ZZEF1: variants seen among roughly 807,000 people sequenced by gnomAD.
The protein encoded by ZZEF1 is zinc finger ZZ-type and EF-hand domain-containing protein 1.
ZZEF1 carries 157 observed loss-of-function variants against 342.8 expected under a neutral mutation model. That is an observed-to-expected ratio of 0.46 (90% CI 0.40 to 0.52). ZZEF1 has a LOEUF of 0.52. Ranked by LOEUF, ZZEF1 falls within the 20% of genes least tolerant of loss-of-function variation. The pLI, the probability that ZZEF1 is intolerant of heterozygous loss-of-function variation, is 0.00. For synonymous variants in ZZEF1, 1,505 were observed against 1,429.1 expected, an observed-to-expected ratio of 1.05 and a Z score of -1.20; for missense variants, 3,480 against 3,725.6, an observed-to-expected ratio of 0.93 and a Z score of 1.72.
chr17:4,013,771 TAAGGCTTTTGTAAAAATAACACAGGGGTC>T (rs2056029587), intron 51 of ZZEF1, among the ~76,000 whole-genome samples, 157 bp from the exon 52 acceptor site: 2 of 152,248 alleles, frequency 1.3e-5, no homozygotes, highest in African/African-American at 4.8e-5. Context: ...TGGCTGAAAT[TAAGGCTTTTGTAAAAATAACACAGGGGTC>T]ATATTTCCAG....
chr17:4,076,137 C>CTTTTTTTTCTTTT (rs1555599392), intron 21 of ZZEF1: 3 of 122,180 alleles, frequency 2.5e-5, no homozygotes, highest in Non-Finnish European at 3.4e-5. Flanking sequence ...CGTCTCCTTT[C>CTTTTTTTTCTTTT]TTTTTTTTTT....
chr17:4,053,925 CAAGAAGTCAGAG>C, intron 34 of ZZEF1, 120 bp downstream of exon 34: 1 of 1,034,234 alleles, frequency 9.7e-7, no homozygotes, highest in African/African-American at 1.6e-5. Flanking sequence ...TCATGTTCGC[CAAGAAGTCAGAG>C]AAAATACCAC....
intron 11 of ZZEF1, among the ~76,000 whole-genome samples, chr17:4,091,423 G>A (rs1052480913): frequency 1.3e-5 from 2 of 152,228 alleles, no homozygotes; most frequent in South Asian, 2.1e-4. Context: ...TTCTTTTTAA[G>A]AGAATGTATG....
At chr17:4,042,205 G>GAA (rs201493267) in intron 39 of ZZEF1, among the ~76,000 whole-genome samples, 1 of 151,688 alleles carries the variant, frequency 6.6e-6, no homozygotes, top group Non-Finnish European at 1.5e-5. Flanking sequence ...TAAAAAGGTA[G>GAA]AAAAAAATCA....
chr17:4,012,662 C>T (rs897260896), intron 52 of ZZEF1, among the ~76,000 whole-genome samples: 7 of 152,094 alleles, frequency 4.6e-5, no homozygotes, highest in Admixed American at 2.0e-4. Flanking sequence ...CTCCCTATAG[C>T]GCAAAAGGCA....
At chr17:4,022,659 C>A in intron 44 of ZZEF1, 50 bp downstream of exon 44, 1 of 1,611,366 alleles carries the variant, frequency 6.2e-7, no homozygotes, top group African/African-American at 1.3e-5. Context: ...ACTCCTAGGC[C>A]AGCACATCTG....
chr17:4,082,411 AC>A, intron 17 of ZZEF1, 25 bp downstream of exon 17: 1 of 1,611,954 alleles, frequency 6.2e-7, no homozygotes, highest in Non-Finnish European at 8.5e-7. Context: ...GAGTTATCCG[AC>A]AATTAAAAAG....
At chr17:4,048,833 G>A (rs2056982669) in intron 37 of ZZEF1, among the ~76,000 whole-genome samples, 1 of 151,448 alleles carries the variant, frequency 6.6e-6, no homozygotes, top group South Asian at 2.1e-4. Flanking sequence ...CCTGCCTCTC[G>A]AGTAGCTGGG....
chr17:4,074,947 TG>T, intron 23 of ZZEF1, 149 bp downstream of exon 23: 1 of 818,254 alleles, frequency 1.2e-6, no homozygotes, highest in Non-Finnish European at 1.9e-6. Context: ...AGACTATAGC[TG>T]GTCAAACTCT....
chr17:4,067,152 G>C lies in ZZEF1; in HGVS notation c.4155+11C>G, dbSNP rs2057416351. 2 of 1,609,224 alleles carry C rather than the reference G, an allele frequency of 1.2e-6. No homozygotes were observed. Among genetic ancestry groups the C allele is most frequent in the East Asian group, 2.2e-5 (1 of 44,682 alleles). ...AAAATATAGCAAAATCACATGCAAA[G>C]AAAATCTTACCATCCATATTCGAAT... On this transcript the variant is annotated intron_variant, in intron 27 of 54. Coordinates refer to ENST00000381638, the MANE Select transcript of ZZEF1 (RefSeq NM_015113.4).
intron 2 of ZZEF1, among the ~76,000 whole-genome samples, chr17:4,120,797 C>T (rs951084043): frequency 6.6e-6 from 1 of 152,178 alleles, no homozygotes; most frequent in Non-Finnish European, 1.5e-5. Context: ...AAAACAAAAA[C>T]TTGTTCCTAT....
At chr17:4,030,878 T>C (rs896821415) in intron 42 of ZZEF1, among the ~76,000 whole-genome samples, 2 of 152,174 alleles carry the variant, frequency 1.3e-5, no homozygotes, top group Non-Finnish European at 2.9e-5. Context: ...CAAAATTTTA[T>C]ACAAATTTAA....
intron 44 of ZZEF1, 166 bp downstream of exon 44, chr17:4,022,543 C>T: frequency 1.1e-6 from 1 of 899,794 alleles, no homozygotes; most frequent in Non-Finnish European, 1.7e-6. Flanking sequence ...AGACAGGTGT[C>T]ATAATCCCTA....
intron 40 of ZZEF1, 21 bp from the exon 41 acceptor site, chr17:4,033,023 T>C (rs1327010063): frequency 2.6e-6 from 4 of 1,549,436 alleles, no homozygotes; most frequent in Admixed American, 2.0e-5. Context: ...AGAGCTCCAT[T>C]AGGGGCAGTA....
intron 46 of ZZEF1, among the ~76,000 whole-genome samples, chr17:4,019,125 C>T (rs1407651088): frequency 6.6e-6 from 1 of 151,848 alleles, no homozygotes; most frequent in Non-Finnish European, 1.5e-5. Flanking sequence ...ATATAAGAAA[C>T]TAATAAAAGA....
chr17:4,015,444 T>C (rs2056074381), intron 49 of ZZEF1, among the ~76,000 whole-genome samples: 1 of 152,214 alleles, frequency 6.6e-6, no homozygotes, highest in South Asian at 2.1e-4. Flanking sequence ...ACTCCAACAT[T>C]TCAGTTTTCT....
chr17:4,061,661 C>T (rs898117045), intron 30 of ZZEF1, among the ~76,000 whole-genome samples: 5 of 152,130 alleles, frequency 3.3e-5, no homozygotes, highest in African/African-American at 9.7e-5. Context: ...CTCACTAAAA[C>T]GCATCACTAT....
rs371491865 is a variant in ZZEF1 at position 4,136,613 on chromosome 17, A to C, written c.354+5929T>G. On this transcript the variant is annotated intron_variant, in intron 1 of 54. Coordinates refer to ENST00000381638, the MANE Select transcript of ZZEF1 (RefSeq NM_015113.4). Reference sequence around the variant, plus strand: ...GAAGAACAGCAGAATGAGCAGACTCATAACACGGCAAACCCGCTGATGCCA... The same window carrying C: ...GAAGAACAGCAGAATGAGCAGACTCCTAACACGGCAAACCCGCTGATGCCA... Among the ~76,000 whole-genome samples the C allele has an allele frequency of 9.8e-4, 149 of 152,272 alleles. 1 individual carries two copies. The South Asian group carries it at 0.03, about 31-fold the overall frequency.
chr17:4,126,417 T>C (rs569858756), intron 1 of ZZEF1, among the ~76,000 whole-genome samples: 2 of 152,168 alleles, frequency 1.3e-5, no homozygotes, highest in African/African-American at 4.8e-5. Context: ...TCAAGAGATC[T>C]GGGGTGTGTG....
Sources: gnomAD v4.1 joint callset for allele counts (sites outside exome capture counted in the v4.1 genomes callset) on GRCh38, gnomAD v4.1.1 for gene constraint, MANE v1.5 for transcripts, NCBI Gene and HGNC (gene_info 2026-07-23, HGNC 2026-07-21) for gene names.